Variants in ITPR3 observed in about 807,000 individuals in gnomAD.
ITPR3 encodes inositol 1,4,5-trisphosphate receptor type 3.
Under a neutral mutation model 293.2 loss-of-function variants are expected in ITPR3, and 173 were observed. The observed-to-expected ratio is 0.59, with a 90% CI of 0.52 to 0.67. The LOEUF (loss-of-function observed/expected upper bound fraction) is 0.67, where lower values mean the gene tolerates loss of function less well. ITPR3 is among the 30% of genes least tolerant of loss of function. The probability of loss-of-function intolerance (pLI) is 0.00; values close to 1 mark genes in which losing one functional copy is unlikely to be tolerated. For missense variants in ITPR3, 2,796 were observed against 3,592.1 expected (o/e 0.78, Z 5.66); for synonymous variants, 1,295 against 1,444.4 (o/e 0.90, Z 2.35).
At position 33,683,512 on chromosome 6, in the gene ITPR3, TC is replaced by T; in HGVS notation, c.4788+117del. 2 of 913,768 alleles carry T rather than the reference TC, an allele frequency of 2.2e-6. No individual in the cohort carries two copies. The highest frequency in any genetic ancestry group is 3.2e-6 in the Non-Finnish European group (2 of 631,114). The allele number at this position is 913,768 out of a possible 1,614,324, so 56.6% of individuals were successfully genotyped here. On this transcript the variant is annotated intron_variant, in intron 35 of 57. Coordinates refer to ENST00000605930, the MANE Select transcript of ITPR3 (RefSeq NM_002224.4). The surrounding 1 kb of genome is among the most constrained non-coding windows in gnomAD (Gnocchi z 4.5). The stretch of plus-strand genomic sequence containing the variant: ...TGTTTCTTCCTGTCCTGCCCACACT[TC>T]CAGGAAGGGGCTGGTTGGCTTCTCT...
Position 33,683,213 on chromosome 6 carries a change from GC to G in ITPR3, c.4606del (p.Arg1536GlyfsTer71). On this transcript the variant is annotated frameshift_variant, in exon 35 of 58. Transcript: ENST00000605930. LOFTEE classifies it high-confidence loss of function. The surrounding 1 kb of genome is among the most constrained non-coding windows in gnomAD (Gnocchi z 4.5). Reference sequence around the variant, plus strand: ...TCCCTCCCTTCCCACCCAGCCAAGGGCCGGGCCATCTTGCTGCCCATGGACC... The same window carrying G: ...TCCCTCCCTTCCCACCCAGCCAAGGGCGGGCCATCTTGCTGCCCATGGACC... Reference protein sequence around the residue: ...CIRTLAMVAKGRAILLPMDLD... With the variant: ...CIRTLAMVAKXRAILLPMDLD... 2 of 1,526,888 alleles carry G rather than the reference GC, an allele frequency of 1.3e-6. No individual in the cohort carries two copies. The highest frequency in any genetic ancestry group is 1.8e-6 in the Non-Finnish European group (2 of 1,128,598). The allele number at this position is 1,526,888 out of a possible 1,614,324, so 94.6% of individuals were successfully genotyped here.
rs34014770 is a variant in ITPR3, at chr6:33,666,605, G to GT, written c.1552-511dup. The stretch of plus-strand genomic sequence containing the variant: ...TTCCCAGAATGTCTTTGTAAAGTTT[G>GT]TTTTTTTTTTTTTAGAAACGAGGAT... On this transcript the variant is annotated intron_variant, in intron 14 of 57. Coordinates refer to ENST00000605930, the MANE Select transcript of ITPR3 (RefSeq NM_002224.4). The surrounding 1 kb of genome is among the most constrained non-coding windows in gnomAD (Gnocchi z 5.1). 0.3 allele frequency among the ~76,000 whole-genome samples: 43,011 copies of GT among 144,454 alleles called. 6,484 individuals are homozygous for GT. Among genetic ancestry groups the GT allele is most frequent in the South Asian group, 0.52 (2,402 of 4,610 alleles). 94.8% of individuals were successfully genotyped at this position (144,454 alleles called of 152,430 possible).
At chr6:33,623,753 A>G (rs943322313) in intron 1 of ITPR3, among the ~76,000 whole-genome samples, 5 of 152,088 alleles carry the variant, frequency 3.3e-5, no homozygotes, top group African/African-American at 1.2e-4. Flanking sequence ...TTCCTGCCCC[A>G]GGAACTGCTT....
rs144673863 is a variant in ITPR3, at chr6:33,683,712, G to GA, written c.4789-308_4789-307insA. Among the ~76,000 whole-genome samples, 322 of 152,326 alleles carry GA rather than the reference G, an allele frequency of 2.1e-3. No homozygotes were observed. The highest frequency in any genetic ancestry group is 5.2e-3 in the African/African-American group (215 of 41,568). ...TCTATGCAGCACATTTCTGTGCGCT[G>GA]TCTCGTTGGCCTGTAGAGGGGGTGT... On this transcript the variant is annotated intron_variant, in intron 35 of 57. Transcript: ENST00000605930. This position sits in a 1 kb window ranked among gnomAD's most constrained non-coding sequence, Gnocchi z 4.5.
intron 2 of ITPR3, among the ~76,000 whole-genome samples, chr6:33,648,968 C>T (rs1211699940): frequency 5.3e-5 from 8 of 152,088 alleles, no homozygotes; most frequent in African/African-American, 1.7e-4. Context: ...GGCGCAATCT[C>T]GGCTCACTGC....
chr6:33,663,823 C>T lies in ITPR3; in HGVS notation c.1091C>T (p.Ala364Val), dbSNP rs1346881485. The T allele has an allele frequency of 6.2e-7, 1 of 1,614,152 alleles. No individual in the cohort carries two copies. Among genetic ancestry groups the T allele is most frequent in the Non-Finnish European group, 8.5e-7 (1 of 1,180,008 alleles). ...GCTGTGCCTCATGGCAATGACATCG[C>T]CTCTCTCTTTGAGCTGGACCCCACC... ...LVAVPHGNDI[A>V]SLFELDPTTL... is the part of the protein sequence containing the mutation. The change falls in exon 11 of 58, where the codon GCC becomes GTC. Residue 364 changes from alanine to valine, a missense_variant. By Grantham distance (64) the Ala-to-Val change is moderately conservative. Transcript: ENST00000605930.
intron 7 of ITPR3, among the ~76,000 whole-genome samples, chr6:33,661,500 G>A (rs1195745877): frequency 6.6e-6 from 1 of 152,218 alleles, no homozygotes; most frequent in African/African-American, 2.4e-5. Context: ...TTACCCAGAG[G>A]GTTGATGTGA....
intron 3 of ITPR3, among the ~76,000 whole-genome samples, chr6:33,656,789 C>T (rs1655613779): frequency 6.6e-6 from 1 of 152,218 alleles, no homozygotes; most frequent in Non-Finnish European, 1.5e-5. Flanking sequence ...CCTTGTCATA[C>T]AAACCTTGCT....
At chr6:33,657,832 T>G in intron 3 of ITPR3, 100 bp from the exon 4 acceptor site, 2 of 872,092 alleles carry the variant, frequency 2.3e-6, no homozygotes, top group Non-Finnish European at 3.7e-6. Context: ...TGTGTGTGTG[T>G]GTTTGTGTGC....
rs1430073936 is a variant in ITPR3, at chr6:33,688,272, G to A, written c.6409G>A (p.Val2137Met). The change falls in exon 48 of 58, where the codon GTG becomes ATG. Residue 2137 changes from valine (V) to methionine (M), a missense_variant. Transcript: ENST00000605930. Reference sequence around the variant, plus strand: ...GCAGGACCGCAGCATGGAGCAGATCGTGTTCCCAGTGCCCGGCATCTGCCA... The same window carrying A: ...GCAGGACCGCAGCATGGAGCAGATCATGTTCCCAGTGCCCGGCATCTGCCA... ...VRQDRSMEQI[V>M]FPVPGICQFL... The A allele has an allele frequency of 8.1e-6, 13 of 1,614,082 alleles. No homozygotes were observed. The highest frequency in any genetic ancestry group is 1.6e-4 in the Middle Eastern group (1 of 6,084).
chr6:33,688,306 C>T lies in ITPR3; in HGVS notation c.6443C>T (p.Thr2148Met), dbSNP rs758331142. 2.5e-5 allele frequency: 40 copies of T among 1,614,064 alleles called. No individual in the cohort carries two copies. The highest frequency in any genetic ancestry group is 2.0e-4 in the Admixed American group (12 of 60,010). Residue 2148 changes from threonine to methionine, a missense_variant, in exon 48 of 58, where the codon ACG becomes ATG. Physicochemically the swap from Thr to Met is moderately conservative, Grantham distance 81. Coordinates refer to ENST00000605930, the MANE Select transcript of ITPR3 (RefSeq NM_002224.4). ...GTGCCCGGCATCTGCCAGTTCCTGA[C>T]GGAGGAAACCAAGCACCGGCTCTTC... Reference protein sequence around the residue: ...FPVPGICQFLTEETKHRLFTT... With the variant: ...FPVPGICQFLMEETKHRLFTT...
At chr6:33,662,412 G>A in intron 7 of ITPR3, 116 bp from the exon 8 acceptor site, 1 of 1,234,886 alleles carries the variant, frequency 8.1e-7, no homozygotes, top group East Asian at 2.5e-5. Context: ...GCTGGCTCTG[G>A]AAGAGGGGCC....
chr6:33,642,968 C>CTT (rs368462631), intron 2 of ITPR3, among the ~76,000 whole-genome samples: 1,530 of 152,304 alleles, frequency 0.01, 32 homozygotes, highest in African/African-American at 0.03. Flanking sequence ...TCCGTACACC[C>CTT]TTTGGCTGGC....
intron 1 of ITPR3, among the ~76,000 whole-genome samples, chr6:33,628,743 G>A (rs1199924749): frequency 6.6e-6 from 1 of 152,180 alleles, no homozygotes; most frequent in Non-Finnish European, 1.5e-5. Context: ...TGGTCAGCAG[G>A]TGGGCAGAGC....
intron 42 of ITPR3, 65 bp from the exon 43 acceptor site, chr6:33,686,341 TGAG>T: frequency 6.3e-7 from 1 of 1,589,216 alleles, no homozygotes; most frequent in South Asian, 1.1e-5. Context: ...GGAGAGAGGC[TGAG>T]GTCTCTGGAG....
At position 33,644,811 on chromosome 6, in the gene ITPR3, G is replaced by A. The variant is rs190132934; in HGVS notation, c.160+4257G>A. ...CCCAAGTAGCTGAGATTACAGGTGC[G>A]TGCCACCACGCCCAGCTAATTTTTG... On this transcript the variant is annotated intron_variant, in intron 2 of 57. Transcript: ENST00000605930. 8.8e-3 allele frequency among the ~76,000 whole-genome samples: 1,337 copies of A among 151,216 alleles called. 24 individuals are homozygous for A. Among genetic ancestry groups the A allele is most frequent in the African/African-American group, 0.026 (1,068 of 41,274 alleles).
intron 13 of ITPR3, 128 bp downstream of exon 13, chr6:33,665,341 G>A: frequency 7.8e-7 from 1 of 1,282,822 alleles, no homozygotes; most frequent in Non-Finnish European, 1.1e-6. Context: ...GGCCCCTGTG[G>A]GGCCCTGGCT....
rs1399865753 is a variant in ITPR3, at chr6:33,633,332, C to T, written c.90-7152C>T. On this transcript the variant is annotated intron_variant, in intron 1 of 57. Transcript: ENST00000605930. The surrounding 1 kb of genome is among the most constrained non-coding windows in gnomAD (Gnocchi z 5.2). ...GAGGGACCTTGTGGGGAGGCGTTGGCGAGAGGGGGGTGAAGCGAAGCGGCC... is the reference window on the plus strand; with the variant it reads ...GAGGGACCTTGTGGGGAGGCGTTGGTGAGAGGGGGGTGAAGCGAAGCGGCC... Among the ~76,000 whole-genome samples, 1 of 152,116 alleles carries T rather than the reference C, an allele frequency of 6.6e-6. No homozygotes were observed. Among genetic ancestry groups the T allele is most frequent in the Non-Finnish European group, 1.5e-5 (1 of 68,010 alleles).
chr6:33,670,382 C>G lies in ITPR3; in HGVS notation c.2247C>G (p.Asp749Glu). The G allele has an allele frequency of 1.2e-6, 2 of 1,614,108 alleles. No individual in the cohort carries two copies. Among genetic ancestry groups the G allele is most frequent in the African/African-American group, 1.3e-5 (1 of 75,052 alleles). Residue 749 changes from aspartate to glutamate, a missense_variant, in exon 19 of 58, where the codon GAC (aspartate) becomes GAG (glutamate). By Grantham distance (45) the Asp-to-Glu change is conservative. Coordinates refer to ENST00000605930, the MANE Select transcript of ITPR3 (RefSeq NM_002224.4). This position sits in a 1 kb window ranked among gnomAD's most constrained non-coding sequence, Gnocchi z 6.7. The part of the protein sequence containing the change: ...MCLDRQYLAI[D>E]EISQQLGVDL... ...TGGACCGCCAGTACTTGGCCATCGA[C>G]GAGATCTCCCAGCAGCTGGGCGTGG...
Sources: allele counts gnomAD v4.1 joint callset (sites outside exome capture counted in the v4.1 genomes callset), GRCh38; gene constraint gnomAD v4.1.1; non-coding constraint Gnocchi (gnomAD v3.1); transcripts MANE v1.5; gene names NCBI Gene and HGNC (gene_info 2026-07-23, HGNC 2026-07-21).